The following WDR48 variants were observed in gnomAD, a reference collection of about 807,000 sequenced individuals.
WDR48 encodes the protein WD repeat-containing protein 48.
A neutral mutation model predicts 94.0 loss-of-function variants in WDR48; 22 were observed. The observed-to-expected ratio is 0.23, with a 90% CI of 0.17 to 0.33. WDR48 has a LOEUF of 0.33. WDR48 is among the 10% of genes least tolerant of loss of function. The probability of loss-of-function intolerance (pLI) is 1.00; values close to 1 mark genes in which losing one functional copy is unlikely to be tolerated. For synonymous variants in WDR48, 278 were observed against 280.5 expected, an observed-to-expected ratio of 0.99 and a Z score of 0.09; for missense variants, 541 against 813.8, an observed-to-expected ratio of 0.66 and a Z score of 4.08.
chr3:39,069,788 A>G, intron 7 of WDR48, 44 bp downstream of exon 7: 1 of 1,545,170 alleles, frequency 6.5e-7, no homozygotes, highest in Non-Finnish European at 8.9e-7. Context: ...CCTTGTTAGA[A>G]ATTTCCGCAC....
intron 10 of WDR48, among the ~76,000 whole-genome samples, chr3:39,078,922 T>C (rs1455157621): frequency 2.2e-4 from 33 of 148,862 alleles, no homozygotes; most frequent in Middle Eastern, 3.5e-3. Flanking sequence ...CCCAGCTACT[T>C]GGGAGGCTGA....
intron 1 of WDR48, among the ~76,000 whole-genome samples, chr3:39,061,872 G>GTC: frequency 9.7e-6 from 1 of 102,920 alleles, no homozygotes; most frequent in African/African-American, 7.0e-5. Context: ...ATTTTTTCTT[G>GTC]TGTCTGCTGC....
At chr3:39,055,450 A>C (rs1429667974) in intron 1 of WDR48, among the ~76,000 whole-genome samples, 1 of 152,158 alleles carries the variant, frequency 6.6e-6, no homozygotes, top group Non-Finnish European at 1.5e-5. Context: ...GTACCAGTGC[A>C]CTCCAGCCTG....
chr3:39,055,162 A>G (rs1285775490), intron 1 of WDR48, among the ~76,000 whole-genome samples: 4 of 152,198 alleles, frequency 2.6e-5, no homozygotes, highest in Admixed American at 6.5e-5. Flanking sequence ...GTAGGCCAAG[A>G]CAAACCCTTG....
At chr3:39,065,659 A>C (rs2033558433) in intron 2 of WDR48, 152 bp from the exon 3 acceptor site, 1 of 477,312 alleles carries the variant, frequency 2.1e-6, no homozygotes, top group South Asian at 4.7e-5. Context: ...TGGAAGCATC[A>C]CCTATTTGGT....
intron 14 of WDR48, chr3:39,087,854 GC>G (rs1283774281): frequency 8.7e-6 from 3 of 344,948 alleles, no homozygotes; most frequent in Non-Finnish European, 1.6e-5. Flanking sequence ...GGCTGAAGTA[GC>G]TGGTTATGTT....
chr3:39,083,967 CT>C (rs1332282290), intron 11 of WDR48, among the ~76,000 whole-genome samples, 187 bp from the exon 12 acceptor site: 5 of 152,104 alleles, frequency 3.3e-5, no homozygotes, highest in African/African-American at 9.7e-5. Flanking sequence ...CTATTTTGTG[CT>C]TTTTTAATTT....
intron 1 of WDR48, among the ~76,000 whole-genome samples, chr3:39,060,660 A>T (rs2033201560): frequency 6.6e-6 from 1 of 152,214 alleles, no homozygotes; most frequent in Non-Finnish European, 1.5e-5. Flanking sequence ...GGGACTATGT[A>T]AATATTCACC....
At chr3:39,069,994 T>A (rs894718355) in intron 7 of WDR48, among the ~76,000 whole-genome samples, 1 of 152,208 alleles carries the variant, frequency 6.6e-6, no homozygotes, top group Non-Finnish European at 1.5e-5. Flanking sequence ...TTATGGTGCA[T>A]AGGGGCTAAA....
At chr3:39,090,009 G>A (rs1575436335) in intron 16 of WDR48, 1 of 152,172 alleles carries the variant, frequency 6.6e-6, no homozygotes, top group East Asian at 1.9e-4. Flanking sequence ...ATTCCTAGAA[G>A]TGGAATTGCT....
intron 2 of WDR48, among the ~76,000 whole-genome samples, chr3:39,064,589 A>G (rs559398882): frequency 5.9e-5 from 9 of 152,272 alleles, no homozygotes; most frequent in African/African-American, 2.2e-4. Context: ...CCATTTTCAT[A>G]GATGAGAAAA....
Position 39,088,160 on chromosome 3 carries a change from G to A in WDR48, c.1507G>A (p.Gly503Arg). 1.2e-6 allele frequency: 2 copies of A among 1,614,124 alleles called. No homozygotes were observed. Among genetic ancestry groups the A allele is most frequent in the Non-Finnish European group, 1.7e-6 (2 of 1,180,030 alleles). The change falls in exon 15 of 19, where the codon GGA becomes AGA. Residue 503 changes from glycine to arginine, a missense_variant. Gly to Arg is a moderately radical substitution (Grantham distance 125). Transcript: ENST00000302313. Reference sequence around the variant, plus strand: ...GGAGCAGGAGAACCGAGTGCAGAAGGGAAATGGATATTTTCAAGTGCCCCC... The same window carrying A: ...GGAGCAGGAGAACCGAGTGCAGAAGAGAAATGGATATTTTCAAGTGCCCCC... ...NGEQENRVQK[G>R]NGYFQVPPHT...
intron 13 of WDR48, among the ~76,000 whole-genome samples, 158 bp downstream of exon 13, chr3:39,084,899 T>C (rs1189207244): frequency 1.3e-5 from 2 of 152,196 alleles, no homozygotes; most frequent in African/African-American, 4.8e-5. Context: ...ATACAAATCA[T>C]TTTAGTAATT....
intron 10 of WDR48, among the ~76,000 whole-genome samples, chr3:39,078,755 G>C (rs918793987): frequency 1.5e-3 from 2 of 1,360 alleles, no homozygotes; most frequent in Non-Finnish European, 2.5e-3. Flanking sequence ...TTAATGGGCC[G>C]GGCGCGGTGG....
chr3:39,070,063 G>A (rs1195153619), intron 7 of WDR48, among the ~76,000 whole-genome samples: 1 of 152,104 alleles, frequency 6.6e-6, no homozygotes, highest in Non-Finnish European at 1.5e-5. Context: ...AATGCTTTTT[G>A]CCAGTGTATT....
chr3:39,065,678 A>G, intron 2 of WDR48, 133 bp from the exon 3 acceptor site: 1 of 518,910 alleles, frequency 1.9e-6, no homozygotes, highest in Non-Finnish European at 3.3e-6. Flanking sequence ...GTGAGATTCT[A>G]CTCAGAATTC....
At chr3:39,085,749 A>C in intron 14 of WDR48, 139 bp downstream of exon 14, 16 of 687,748 alleles carry the variant, frequency 2.3e-5, no homozygotes, top group Admixed American at 3.2e-5. Context: ...TCCATATCTC[A>C]AAGTAGGAAC....
At chr3:39,062,672 G>A (rs2033342203) in intron 1 of WDR48, among the ~76,000 whole-genome samples, 1 of 152,180 alleles carries the variant, frequency 6.6e-6, no homozygotes, top group African/African-American at 2.4e-5. Context: ...GGGTACTTGA[G>A]ACCATGTTAA....
intron 10 of WDR48, 44 bp from the exon 11 acceptor site, chr3:39,079,667 T>G: frequency 2.2e-6 from 3 of 1,345,532 alleles, no homozygotes; most frequent in Non-Finnish European, 3.1e-6. Context: ...TGAATTTAAA[T>G]GTAGAAAGAT....
Sources: gnomAD v4.1 joint callset for allele counts (sites outside exome capture counted in the v4.1 genomes callset) on GRCh38, gnomAD v4.1.1 for gene constraint, MANE v1.5 for transcripts, NCBI Gene and HGNC (gene_info 2026-07-23, HGNC 2026-07-21) for gene names.